Variants in TRIM44 observed in about 807,000 individuals in gnomAD.
TRIM44 encodes the protein tripartite motif containing 44.
In TRIM44, 13 loss-of-function variants were observed where a neutral mutation model predicts 37.4. The observed-to-expected ratio is 0.35, with a 90% CI of 0.23 to 0.55. The LOEUF (loss-of-function observed/expected upper bound fraction) is 0.55. TRIM44 is among the 20% of genes least tolerant of loss of function. The pLI, the probability that TRIM44 is intolerant of heterozygous loss-of-function variation, is 0.89. For synonymous variants in TRIM44, 175 were observed against 157.2 expected (o/e 1.11, Z -0.85); for missense variants, 426 against 437.2 (o/e 0.97, Z 0.23).
intron 2 of TRIM44, among the ~76,000 whole-genome samples, chr11:35,707,618 A>G (rs1340284358): frequency 6.8e-6 from 1 of 147,902 alleles, no homozygotes; most frequent in Non-Finnish European, 1.5e-5. Context: ...GCATATCTAC[A>G]ACTATCTGTT....
intron 4 of TRIM44, among the ~76,000 whole-genome samples, chr11:35,779,726 A>G (rs1853034637): frequency 6.6e-6 from 1 of 152,026 alleles, no homozygotes; most frequent in African/African-American, 2.4e-5. Context: ...TAGGAGTCTT[A>G]GAGTTTGGGG....
At chr11:35,725,865 C>T in intron 2 of TRIM44, 59 bp from the exon 3 acceptor site, 1 of 1,587,366 alleles carries the variant, frequency 6.3e-7, no homozygotes, top group Non-Finnish European at 8.6e-7. Flanking sequence ...AGTAATAACT[C>T]TGCCCTTTTG....
At chr11:35,801,472 C>G (rs1565038692) in intron 4 of TRIM44, among the ~76,000 whole-genome samples, 1 of 152,194 alleles carries the variant, frequency 6.6e-6, no homozygotes, top group South Asian at 2.1e-4. Flanking sequence ...CTTGCAAAGT[C>G]AGAATGCCTG....
chr11:35,697,045 TA>T (rs1203113090), intron 2 of TRIM44, among the ~76,000 whole-genome samples: 1 of 152,162 alleles, frequency 6.6e-6, no homozygotes, highest in Non-Finnish European at 1.5e-5. Context: ...AGTTTGACCA[TA>T]AGGTGAGATT....
intron 2 of TRIM44, among the ~76,000 whole-genome samples, chr11:35,714,215 C>T (rs1472354957): frequency 6.6e-6 from 1 of 152,132 alleles, no homozygotes; most frequent in Non-Finnish European, 1.5e-5. Context: ...TAAAAGTTCA[C>T]AGTTACTATT....
At chr11:35,667,485 T>C (rs1366329827) in intron 1 of TRIM44, among the ~76,000 whole-genome samples, 2 of 152,196 alleles carry the variant, frequency 1.3e-5, no homozygotes, top group African/African-American at 2.4e-5. Flanking sequence ...TCCTCCCACC[T>C]GAGCATCCTG....
intron 2 of TRIM44, among the ~76,000 whole-genome samples, chr11:35,708,990 C>T (rs879635805): frequency 6.7e-6 from 1 of 150,346 alleles, no homozygotes; most frequent in South Asian, 2.1e-4. Context: ...ATGCCCCCCC[C>T]CCAAAAAAAA....
chr11:35,806,589 G>T lies in TRIM44; in HGVS notation c.*204G>T. Reference sequence around the variant, plus strand: ...TGTGTGCTTCTCATCCCCTGGTTGTGGTAGGTCAAGGAAAAGAGCCCCTTT... The same window carrying T: ...TGTGTGCTTCTCATCCCCTGGTTGTTGTAGGTCAAGGAAAAGAGCCCCTTT... On this transcript the variant is annotated 3_prime_UTR_variant, in exon 5 of 5. Coordinates refer to ENST00000299413, the MANE Select transcript of TRIM44 (RefSeq NM_017583.6). The T allele has an allele frequency of 1.7e-6, 1 of 574,038 alleles. No homozygotes were observed. The allele number at this position is 574,038 out of a possible 1,614,324, so 35.6% of individuals were successfully genotyped here. A position where few individuals can be genotyped will look rare whatever the true frequency, so the allele number is the denominator to read the frequency against.
At position 35,668,922 on chromosome 11, in the gene TRIM44, C is replaced by CT. The variant is rs954998061; in HGVS notation, c.669+5151dup. Among the ~76,000 whole-genome samples, 293 of 151,314 alleles carry CT rather than the reference C, an allele frequency of 1.9e-3. 2 individuals are homozygous for CT. The highest frequency in any genetic ancestry group is 6.6e-3 in the African/African-American group (271 of 41,232). The stretch of plus-strand genomic sequence containing the variant: ...TAGTATAAATTTGTGAATCATAATT[C>CT]TTTTTTTTTCATTCTGTAGCTGTCT... On this transcript the variant is annotated intron_variant, in intron 1 of 4. Coordinates refer to ENST00000299413, the MANE Select transcript of TRIM44 (RefSeq NM_017583.6).
intron 4 of TRIM44, among the ~76,000 whole-genome samples, chr11:35,776,398 C>A (rs1852961952): frequency 6.6e-6 from 1 of 152,050 alleles, no homozygotes; most frequent in South Asian, 2.1e-4. Flanking sequence ...TTGATGTTTT[C>A]AAAAAACCAG....
chr11:35,708,849 C>G (rs1450302269), intron 2 of TRIM44, among the ~76,000 whole-genome samples: 3 of 151,924 alleles, frequency 2.0e-5, no homozygotes, highest in Non-Finnish European at 4.4e-5. Context: ...CAGCATGGCA[C>G]ATGTATACAA....
chr11:35,773,199 AG>A (rs1339224512), intron 4 of TRIM44, among the ~76,000 whole-genome samples: 1 of 152,058 alleles, frequency 6.6e-6, no homozygotes, highest in African/African-American at 2.4e-5. Flanking sequence ...GGAACTGTTA[AG>A]TCCAATTAAA....
intron 4 of TRIM44, among the ~76,000 whole-genome samples, chr11:35,763,226 A>G (rs531115424): frequency 6.6e-5 from 10 of 152,280 alleles, no homozygotes; most frequent in African/African-American, 2.4e-4. Context: ...CTGTTGGGGC[A>G]GAGTGAGAAG....
At chr11:35,696,711 A>G (rs918497927) in intron 2 of TRIM44, among the ~76,000 whole-genome samples, 5 of 151,654 alleles carry the variant, frequency 3.3e-5, no homozygotes, top group Non-Finnish European at 5.9e-5. Flanking sequence ...GCTGGGCATC[A>G]TGGTGCATGC....
intron 2 of TRIM44, among the ~76,000 whole-genome samples, chr11:35,692,729 C>A (rs892734402): frequency 6.6e-6 from 1 of 152,058 alleles, no homozygotes; most frequent in African/African-American, 2.4e-5. Context: ...TCGGGACCAT[C>A]CTGGCAACAC....
intron 2 of TRIM44, among the ~76,000 whole-genome samples, chr11:35,713,018 C>A (rs1851997580): frequency 6.6e-6 from 1 of 152,166 alleles, no homozygotes; most frequent in Non-Finnish European, 1.5e-5. Context: ...ACCAAACCTG[C>A]AGAATGCAAC....
At chr11:35,754,301 G>A (rs77770625) in intron 4 of TRIM44, among the ~76,000 whole-genome samples, 3 of 152,066 alleles carry the variant, frequency 2.0e-5, no homozygotes, top group Non-Finnish European at 4.4e-5. Context: ...TTTCTTGCAG[G>A]ATGCAGGGAA....
chr11:35,739,116 G>A (rs898064304), intron 4 of TRIM44, among the ~76,000 whole-genome samples: 2 of 152,018 alleles, frequency 1.3e-5, no homozygotes, highest in African/African-American at 4.8e-5. Context: ...TCTGTTCCTT[G>A]CCCTAAATTT....
At chr11:35,753,663 A>G (rs185109006) in intron 4 of TRIM44, among the ~76,000 whole-genome samples, 2 of 152,194 alleles carry the variant, frequency 1.3e-5, no homozygotes, top group Admixed American at 6.5e-5. Flanking sequence ...AACGAGTAAC[A>G]CTGTTATTAC....
Sources: allele counts gnomAD v4.1 joint callset (sites outside exome capture counted in the v4.1 genomes callset), GRCh38; gene constraint gnomAD v4.1.1; transcripts MANE v1.5; gene names NCBI Gene and HGNC (gene_info 2026-07-23, HGNC 2026-07-21).